Variants in SCNN1B observed in about 807,000 individuals in gnomAD.
SCNN1B encodes epithelial sodium channel subunit beta.
In SCNN1B, 46 loss-of-function variants were observed where a neutral mutation model predicts 65.3. That is an observed-to-expected ratio of 0.70 (90% confidence interval 0.56 to 0.90). The LOEUF is 0.90. Ranked by LOEUF, SCNN1B falls within the 40% of genes least tolerant of loss-of-function variation. The probability of loss-of-function intolerance (pLI) is 0.00; values close to 1 mark genes in which losing one functional copy is unlikely to be tolerated. For synonymous variants in SCNN1B, 349 were observed against 330.6 expected (o/e 1.06, Z -0.60); for missense variants, 751 against 830.5 (o/e 0.90, Z 1.18).
intron 4 of SCNN1B, among the ~76,000 whole-genome samples, chr16:23,367,509 C>G (rs1170799138): frequency 6.6e-6 from 1 of 152,090 alleles, no homozygotes; most frequent in Non-Finnish European, 1.5e-5. Context: ...TGTTGCCCAA[C>G]CTGGTCTCAA....
chr16:23,307,295 C>CTTTT (rs761118487), intron 1 of SCNN1B, among the ~76,000 whole-genome samples: 11 of 113,314 alleles, frequency 9.7e-5, no homozygotes, highest in East Asian at 5.2e-4. Context: ...GCCTGTGCTC[C>CTTTT]TTTTTTTTTT....
At chr16:23,330,636 G>A (rs1401313713) in intron 1 of SCNN1B, among the ~76,000 whole-genome samples, 5 of 151,988 alleles carry the variant, frequency 3.3e-5, no homozygotes, top group Admixed American at 6.6e-5. Context: ...GCAGTGGCGC[G>A]ATCATAGTTC....
intron 2 of SCNN1B, among the ~76,000 whole-genome samples, chr16:23,294,785 G>A (rs181326891): frequency 4.7e-4 from 71 of 152,152 alleles, no homozygotes; most frequent in Non-Finnish European, 8.8e-5. Context: ...TTCAGGTCAG[G>A]AGCTCAAAAC....
chr16:23,333,137 GGAAGGAAGGAAA>G (rs1488445435), intron 1 of SCNN1B, among the ~76,000 whole-genome samples: 31 of 107,984 alleles, frequency 2.9e-4, no homozygotes, highest in African/African-American at 8.7e-4. Flanking sequence ...GAGGGAGGGA[GGAAGGAAGGAAA>G]GAAGGAAGGA....
At chr16:23,316,629 C>A (rs1356993046) in intron 1 of SCNN1B, among the ~76,000 whole-genome samples, 2 of 150,674 alleles carry the variant, frequency 1.3e-5, no homozygotes, top group African/African-American at 2.5e-5. Context: ...ATCACCATCA[C>A]CCTCACCATC....
At chr16:23,370,580 A>G (rs1962761599) in intron 5 of SCNN1B, among the ~76,000 whole-genome samples, 1 of 152,250 alleles carries the variant, frequency 6.6e-6, no homozygotes. Context: ...GAAGGAAGAC[A>G]GACAATAAAA....
At chr16:23,294,402 A>G (rs1960966656) in intron 2 of SCNN1B, among the ~76,000 whole-genome samples, 1 of 151,796 alleles carries the variant, frequency 6.6e-6, no homozygotes, top group Admixed American at 6.6e-5. Context: ...GTCTCAAAAA[A>G]CAAACAAAGA....
chr16:23,333,924 G>A (rs1171669649), intron 1 of SCNN1B, among the ~76,000 whole-genome samples: 4 of 152,270 alleles, frequency 2.6e-5, no homozygotes, highest in South Asian at 2.1e-4. Context: ...CCTAACTGGG[G>A]CCTAACTCCC....
chr16:23,352,256 G>GA (rs2099487956), intron 2 of SCNN1B, among the ~76,000 whole-genome samples: 2 of 152,248 alleles, frequency 1.3e-5, no homozygotes, highest in South Asian at 4.1e-4. Flanking sequence ...ATGGGTGGTG[G>GA]AAAGATGGAT....
At position 23,305,524 on chromosome 16, in the gene SCNN1B, A is replaced by G. The variant is rs748379199; in HGVS notation, c.-9+3087A>G. On this transcript the variant is annotated intron_variant, in intron 1 of 12. Transcript: ENST00000343070. ...ACATGGCAAAAACCCATCTCTACCA[A>G]ATATATATATTATATATATATATAT... Among the ~76,000 whole-genome samples the G allele has an allele frequency of 1.0e-3, 5 of 4,896 alleles. No individual in the cohort carries two copies. The Admixed American group carries it at 0.019, about 19-fold the overall frequency. 3.2% of individuals were successfully genotyped at this position (4,896 alleles called of 152,430 possible).
intron 1 of SCNN1B, among the ~76,000 whole-genome samples, chr16:23,329,051 C>T (rs546895912): frequency 2.6e-5 from 4 of 151,884 alleles, no homozygotes; most frequent in East Asian, 1.9e-4. Context: ...CTTCCAACCT[C>T]GGCCTCCCAA....
chr16:23,288,214 C>T (rs764991318), intron 2 of SCNN1B, among the ~76,000 whole-genome samples: 7 of 151,864 alleles, frequency 4.6e-5, no homozygotes, highest in Non-Finnish European at 8.8e-5. Context: ...CTTTTATTAG[C>T]TAGGATATAT....
chr16:23,305,105 C>T (rs908721320), intron 1 of SCNN1B, among the ~76,000 whole-genome samples: 1 of 151,972 alleles, frequency 6.6e-6, no homozygotes, highest in Admixed American at 6.6e-5. Flanking sequence ...AAGAGATTTC[C>T]GCTTGTTGAG....
rs760180087 is a variant in SCNN1B at position 23,378,736 on chromosome 16, C to T, written c.1435C>T (p.Arg479Trp). The T allele has an allele frequency of 2.6e-5, 42 of 1,613,954 alleles. No individual in the cohort carries two copies. The highest frequency in any genetic ancestry group is 6.7e-5 in the East Asian group (3 of 44,890). ...DWIFHVLSQERDQSTNITLSR... is the reference protein window; with the variant it reads ...DWIFHVLSQEWDQSTNITLSR... The stretch of plus-strand genomic sequence containing the variant: ...GATTTTCCACGTCTTGTCTCAGGAG[C>T]GGGACCAAAGCACCAATATCACCCT... The change falls in exon 11 of 13, where the codon CGG becomes TGG. Residue 479 changes from arginine (R) to tryptophan (W), a missense_variant. Transcript: ENST00000343070.
intron 7 of SCNN1B, 157 bp downstream of exon 7, chr16:23,372,040 T>C (rs1229820002): frequency 1.4e-6 from 1 of 695,244 alleles, no homozygotes; most frequent in African/African-American, 1.8e-5. Flanking sequence ...ACCAGTCACT[T>C]TCCTGGGCTC....
chr16:23,287,830 G>A (rs544398671), intron 2 of SCNN1B, among the ~76,000 whole-genome samples: 1 of 146,696 alleles, frequency 6.8e-6, no homozygotes, highest in African/African-American at 2.6e-5. Context: ...TTTTTTAAGA[G>A]ATGGGGTCTC....
At chr16:23,331,563 A>G (rs1218841953) in intron 1 of SCNN1B, among the ~76,000 whole-genome samples, 1 of 151,856 alleles carries the variant, frequency 6.6e-6, no homozygotes, top group Non-Finnish European at 1.5e-5. Flanking sequence ...CAGGTGATCC[A>G]CCTGCCTTGG....
chr16:23,340,173 G>A (rs1962026758), intron 1 of SCNN1B, among the ~76,000 whole-genome samples: 1 of 152,122 alleles, frequency 6.6e-6, no homozygotes, highest in Non-Finnish European at 1.5e-5. Context: ...AGTTGTAAGA[G>A]TTCTTTATAT....
rs1320830832 is a variant in SCNN1B at position 23,380,121 on chromosome 16, C to T, written c.1494C>T (p.Tyr498=). The part of the protein sequence containing the change: ...SRKGIVKLNI[Y]FQEFNYRTIE... ...AGGGAATTGTCAAGCTCAACATCTA[C>T]TTCCAAGAATTTAACTATCGCACCA... The change falls in exon 12 of 13, where the codon TAC becomes TAT. Residue 498 remains tyrosine (Y), a synonymous_variant. Coordinates refer to ENST00000343070, the MANE Select transcript of SCNN1B (RefSeq NM_000336.3). This position sits in a 1 kb window ranked among gnomAD's most constrained non-coding sequence, Gnocchi z 5.4. 6.2e-7 allele frequency: 1 copy of T among 1,614,132 alleles called. No homozygotes were observed. The highest frequency in any genetic ancestry group is 8.5e-7 in the Non-Finnish European group (1 of 1,179,988).
Sources: allele counts gnomAD v4.1 joint callset (sites outside exome capture counted in the v4.1 genomes callset), GRCh38; gene constraint gnomAD v4.1.1; non-coding constraint Gnocchi (gnomAD v3.1); transcripts MANE v1.5; gene names NCBI Gene and HGNC (gene_info 2026-07-23, HGNC 2026-07-21).